Variants in CSMD1 observed in about 807,000 individuals in gnomAD.
The protein encoded by CSMD1 is CUB and sushi domain-containing protein 1.
Under a neutral mutation model 417.5 loss-of-function variants are expected in CSMD1, and 213 were observed. That is an observed-to-expected ratio of 0.51 (90% CI 0.46 to 0.57). The LOEUF (loss-of-function observed/expected upper bound fraction) is 0.57. CSMD1 is among the 20% of genes least tolerant of loss of function. CSMD1 has a pLI of 0.00. For synonymous variants in CSMD1, 2,862 were observed against 1,736.8 expected, an observed-to-expected ratio of 1.65 and a Z score of -16.11; for missense variants, 6,923 against 4,529.7, an observed-to-expected ratio of 1.53 and a Z score of -15.17.
chr8:4,612,424 G>A (rs866873424), intron 2 of CSMD1, among the ~76,000 whole-genome samples: 2 of 152,158 alleles, frequency 1.3e-5, no homozygotes, highest in Non-Finnish European at 2.9e-5. Context: ...TTTTCTTCAG[G>A]AAAATAATAG....
intron 3 of CSMD1, among the ~76,000 whole-genome samples, chr8:4,353,066 G>C (rs1445529747): frequency 1.3e-5 from 2 of 152,178 alleles, no homozygotes; most frequent in Admixed American, 1.3e-4. Context: ...AGTAAAATCA[G>C]ATATTGTCAA....
chr8:4,531,320 G>T (rs988564943), intron 2 of CSMD1, among the ~76,000 whole-genome samples: 1 of 152,230 alleles, frequency 6.6e-6, no homozygotes, highest in African/African-American at 2.4e-5. Context: ...AATGTATTCA[G>T]GTCATTTAAT....
At chr8:3,916,370 A>G in intron 5 of CSMD1, among the ~76,000 whole-genome samples, 1 of 152,164 alleles carries the variant, frequency 6.6e-6, no homozygotes, top group East Asian at 1.9e-4. Context: ...GCCTCTGTAC[A>G]TAGGAGGTAA....
intron 1 of CSMD1, among the ~76,000 whole-genome samples, chr8:4,704,839 C>G (rs1301960720): frequency 6.6e-6 from 1 of 152,098 alleles, no homozygotes; most frequent in Non-Finnish European, 1.5e-5. Flanking sequence ...CATCTCTATG[C>G]TGATGGGGCA....
intron 3 of CSMD1, among the ~76,000 whole-genome samples, chr8:4,087,011 A>G (rs1048353768): frequency 6.6e-6 from 1 of 152,176 alleles, no homozygotes; most frequent in African/African-American, 2.4e-5. Context: ...GGATAACGCT[A>G]TGTACATCAT....
chr8:2,992,646 C>T (rs1023408560), intron 54 of CSMD1, among the ~76,000 whole-genome samples: 10 of 151,960 alleles, frequency 6.6e-5, no homozygotes, highest in East Asian at 3.9e-4. Context: ...AGGCTGGTCT[C>T]GAACTCCTGA....
At chr8:4,362,093 A>C (rs1004702394) in intron 3 of CSMD1, among the ~76,000 whole-genome samples, 2 of 152,150 alleles carry the variant, frequency 1.3e-5, no homozygotes, top group African/African-American at 4.8e-5. Flanking sequence ...ATTGATATAC[A>C]AATGAGAACA....
At chr8:3,391,550 A>G (rs1215879503) in intron 17 of CSMD1, among the ~76,000 whole-genome samples, 2 of 152,172 alleles carry the variant, frequency 1.3e-5, no homozygotes, top group African/African-American at 2.4e-5. Flanking sequence ...GAATGGCTAG[A>G]CTGTCGCTGG....
chr8:3,414,211 G>GGAAA (rs1812986091), intron 12 of CSMD1, among the ~76,000 whole-genome samples: 1 of 2,176 alleles, frequency 4.6e-4, no homozygotes, highest in Non-Finnish European at 1.4e-3. Context: ...TGCACCTAAA[G>GGAAA]CAAAAAAAAA....
At chr8:4,164,402 G>A (rs889396822) in intron 3 of CSMD1, among the ~76,000 whole-genome samples, 1 of 152,140 alleles carries the variant, frequency 6.6e-6, no homozygotes, top group Non-Finnish European at 1.5e-5. Flanking sequence ...ATTCAGGTAA[G>A]TGATGCTAAT....
intron 1 of CSMD1, among the ~76,000 whole-genome samples, chr8:4,915,729 G>A (rs183851670): frequency 6.6e-6 from 1 of 152,342 alleles, no homozygotes; most frequent in Admixed American, 6.5e-5. Context: ...GTCCGGGTTT[G>A]GAGACAGACA....
In CSMD1 at chr8:4,666,800, A is replaced by G. The variant is rs561193321; in HGVS notation, c.86-29242T>C. ...AAAACGTTCTCACATTCTGTAGTCT[A>G]TCTTTTCATTTTCTTAACGGTGTGT... is the stretch of plus-strand genomic sequence containing the variant. On this transcript the variant is annotated intron_variant, in intron 1 of 69. Transcript: ENST00000635120. 7.2e-5 allele frequency among the ~76,000 whole-genome samples: 11 copies of G among 152,252 alleles called. No homozygotes were observed. The East Asian group carries it at 7.7e-4, about 11-fold the overall frequency.
chr8:3,484,124 G>C (rs1237084658), intron 11 of CSMD1, among the ~76,000 whole-genome samples: 5 of 152,138 alleles, frequency 3.3e-5, no homozygotes, highest in Admixed American at 6.5e-5. Flanking sequence ...CCCTAGAATA[G>C]TTAAGTCTCT....
At chr8:4,741,047 T>C (rs1353166636) in intron 1 of CSMD1, among the ~76,000 whole-genome samples, 1 of 152,202 alleles carries the variant, frequency 6.6e-6, no homozygotes, top group African/African-American at 2.4e-5. Context: ...CTTTAATCAA[T>C]TTTCTTCTTA....
chr8:4,255,022 C>T (rs564845800), intron 3 of CSMD1, among the ~76,000 whole-genome samples: 2 of 152,324 alleles, frequency 1.3e-5, no homozygotes, highest in African/African-American at 2.4e-5. Context: ...TTCATCCAAT[C>T]CCCTCGTACC....
At chr8:4,056,712 T>C (rs181527002) in intron 3 of CSMD1, among the ~76,000 whole-genome samples, 217 of 149,398 alleles carry the variant, frequency 1.5e-3, no homozygotes, top group African/African-American at 4.9e-3. Context: ...CAGGCCCTGG[T>C]GTGTGATGTA....
chr8:4,126,235 T>C (rs929607407), intron 3 of CSMD1, among the ~76,000 whole-genome samples: 1 of 152,122 alleles, frequency 6.6e-6, no homozygotes, highest in Non-Finnish European at 1.5e-5. Flanking sequence ...TGAGTAATAA[T>C]AAAACTCCAG....
At chr8:4,000,595 T>C (rs568602343) in intron 4 of CSMD1, among the ~76,000 whole-genome samples, 13 of 152,282 alleles carry the variant, frequency 8.5e-5, no homozygotes, top group Admixed American at 6.5e-5. Flanking sequence ...TAAACGCAAA[T>C]ATAAATATCT....
intron 5 of CSMD1, among the ~76,000 whole-genome samples, chr8:3,775,884 C>A (rs1211169778): frequency 1.3e-5 from 2 of 152,170 alleles, no homozygotes; most frequent in African/African-American, 2.4e-5. Context: ...CTCTCCCTTG[C>A]GCCACATGTG....
Sources: allele counts gnomAD v4.1 joint callset (sites outside exome capture counted in the v4.1 genomes callset), GRCh38; gene constraint gnomAD v4.1.1; transcripts MANE v1.5; gene names NCBI Gene and HGNC (gene_info 2026-07-23, HGNC 2026-07-21).